ANO1: variants seen among roughly 807,000 people sequenced by gnomAD.
The protein encoded by ANO1 is anoctamin-1.
A neutral mutation model predicts 124.0 loss-of-function variants in ANO1; 59 were observed. That is an observed-to-expected ratio of 0.48 (90% CI 0.39 to 0.59). The LOEUF (loss-of-function observed/expected upper bound fraction) is 0.59. Among genes scored for constraint, ANO1 ranks in the 20% least tolerant of loss-of-function variants. ANO1 has a pLI of 0.00. For missense variants in ANO1, 1,059 were observed against 1,328.0 expected (o/e 0.80, Z 3.15); for synonymous variants, 529 against 532.0 (o/e 0.99, Z 0.08).
chr11:70,119,110 T>C (rs2046132652), intron 8 of ANO1, among the ~76,000 whole-genome samples: 1 of 137,194 alleles, frequency 7.3e-6, no homozygotes, highest in Non-Finnish European at 1.5e-5. Context: ...TAATCAATGA[T>C]GGATGGATGA....
At chr11:70,095,426 GAAA>G in intron 2 of ANO1, among the ~76,000 whole-genome samples, 1 of 47,462 alleles carries the variant, frequency 2.1e-5, no homozygotes, top group Non-Finnish European at 5.1e-5. Flanking sequence ...AAGAAAGAAA[GAAA>G]AGAAAAGAAA....
the ANO1 span, among the ~76,000 whole-genome samples, chr11:69,980,482 G>A: frequency 1.3e-5 from 2 of 151,902 alleles, no homozygotes; most frequent in Non-Finnish European, 2.9e-5. Context: ...TTAGCCGGGC[G>A]TGGTGGTGGG....
chr11:69,980,889 T>C, the ANO1 span, among the ~76,000 whole-genome samples: 13 of 151,642 alleles, frequency 8.6e-5, no homozygotes, highest in Non-Finnish European at 1.8e-4. Context: ...CCGTCTCTAC[T>C]AAAAATATAA....
At chr11:70,067,203 C>T (rs1344831955) in intron 1 of ANO1, among the ~76,000 whole-genome samples, 1 of 152,140 alleles carries the variant, frequency 6.6e-6, no homozygotes, top group Non-Finnish European at 1.5e-5. Flanking sequence ...CCCTCTACCC[C>T]GTGGGGCTTA....
In ANO1 at chr11:70,143,550, C is replaced by T. The variant is rs147793058; in HGVS notation, c.1259-6160C>T. On this transcript the variant is annotated intron_variant, in intron 11 of 25. Transcript: ENST00000355303. ...CTTCCAGATGCCTGCTGGCAGCCTA[C>T]GGAGCTTGTTCAGAATGCAGATTCC... Among the ~76,000 whole-genome samples, 299 of 152,250 alleles carry T rather than the reference C, an allele frequency of 2.0e-3. 1 individual carries two copies. Among genetic ancestry groups the T allele is most frequent in the Non-Finnish European group, 1.3e-3 (90 of 68,018 alleles).
chr11:70,052,531 CTTTTTTTTTTTTTTT>C (rs200770702), intron 1 of ANO1, among the ~76,000 whole-genome samples: 770 of 65,878 alleles, frequency 0.012, 5 homozygotes, highest in Non-Finnish European at 0.02. Flanking sequence ...TTTTTCTTTT[CTTTTTTTTTTTTTTT>C]TTTTTTTTTT....
intron 1 of ANO1, among the ~76,000 whole-genome samples, chr11:70,009,362 G>A (rs1442473489): frequency 6.6e-6 from 1 of 152,170 alleles, no homozygotes; most frequent in Non-Finnish European, 1.5e-5. Flanking sequence ...GAGGAGGCAG[G>A]TGAACAGTGC....
intron 2 of ANO1, among the ~76,000 whole-genome samples, chr11:70,095,415 AAAG>A (rs753671608): frequency 0.18 from 6,368 of 35,926 alleles, 919 homozygotes; most frequent in Middle Eastern, 0.29. Context: ...AGAAAGAAAG[AAAG>A]AAAGAAAGAA....
At chr11:70,000,697 G>A (rs1415998969) in intron 1 of ANO1, among the ~76,000 whole-genome samples, 8 of 151,682 alleles carry the variant, frequency 5.3e-5, no homozygotes, top group Admixed American at 3.3e-4. Context: ...AAAGCCATGA[G>A]TGAAAGTGTC....
intron 6 of ANO1, among the ~76,000 whole-genome samples, chr11:70,109,441 C>G (rs1242340937): frequency 6.6e-6 from 1 of 152,184 alleles, no homozygotes; most frequent in African/African-American, 2.4e-5. Context: ...CCTGAAGTCT[C>G]TAAGTCCATG....
chr11:70,058,408 C>T (rs1394591902), intron 1 of ANO1, among the ~76,000 whole-genome samples: 1 of 152,168 alleles, frequency 6.6e-6, no homozygotes, highest in African/African-American at 2.4e-5. Flanking sequence ...TAAGTCAAGG[C>T]CTTGGCGGTT....
intron 8 of ANO1, among the ~76,000 whole-genome samples, chr11:70,118,103 C>G (rs1482041904): frequency 1.3e-5 from 2 of 151,910 alleles, no homozygotes; most frequent in Non-Finnish European, 2.9e-5. Context: ...TGCCTATCCT[C>G]CCCCTAAAAA....
intron 11 of ANO1, among the ~76,000 whole-genome samples, chr11:70,137,400 A>T (rs1202926129): frequency 1.4e-4 from 18 of 127,372 alleles, no homozygotes; most frequent in African/African-American, 4.5e-4. Context: ...ATCTGGAACT[A>T]TCTCCACAAA....
chr11:70,105,083 G>A (rs575028543), intron 4 of ANO1, among the ~76,000 whole-genome samples: 9 of 152,052 alleles, frequency 5.9e-5, no homozygotes, highest in South Asian at 2.1e-4. Context: ...GACCCCCGCC[G>A]ACCTCCCTCG....
chr11:70,026,163 T>C (rs1052640826), intron 1 of ANO1, among the ~76,000 whole-genome samples: 9 of 150,622 alleles, frequency 6.0e-5, no homozygotes, highest in African/African-American at 2.2e-4. Flanking sequence ...ATGATGATGG[T>C]GATGATGGTG....
chr11:70,163,663 G>A lies in ANO1; in HGVS notation c.1950+323G>A, dbSNP rs181315463. The A allele has an allele frequency of 4.5e-4, 260 of 574,542 alleles. 1 individual carries two copies. The East Asian group carries it at 5.6e-3, about 12-fold the overall frequency. 35.6% of individuals were successfully genotyped at this position (574,542 alleles called of 1,614,324 possible). A position where few individuals can be genotyped will look rare whatever the true frequency, so the allele number is the denominator to read the frequency against. On this transcript the variant is annotated intron_variant, in intron 19 of 25. Coordinates refer to ENST00000355303, the MANE Select transcript of ANO1 (RefSeq NM_018043.7). ...TAAGATGAATTAATGAGGGACGGGT[G>A]CAGTGGCTCATGCCTGTAATCCCAG... is the stretch of plus-strand genomic sequence containing the variant.
intron 1 of ANO1, among the ~76,000 whole-genome samples, chr11:70,032,793 T>C (rs1555003953): frequency 2.6e-5 from 4 of 151,182 alleles, no homozygotes; most frequent in Admixed American, 1.3e-4. Flanking sequence ...AGGTTCTTTG[T>C]AAAAGAAAAA....
chr11:70,116,592 G>T (rs1043832742), intron 8 of ANO1, 93 bp downstream of exon 8: 2 of 1,235,018 alleles, frequency 1.6e-6, no homozygotes, highest in Admixed American at 2.0e-5. Context: ...AGGACTTACC[G>T]GCCTCCAGGG....
At chr11:70,043,022 A>T (rs1245579674) in intron 1 of ANO1, among the ~76,000 whole-genome samples, 1 of 152,256 alleles carries the variant, frequency 6.6e-6, no homozygotes, top group Non-Finnish European at 1.5e-5. Flanking sequence ...AGAAAAAATA[A>T]TCAATAGAAA....
Sources: gnomAD v4.1 joint callset for allele counts (sites outside exome capture counted in the v4.1 genomes callset) on GRCh38, gnomAD v4.1.1 for gene constraint, MANE v1.5 for transcripts, NCBI Gene and HGNC (gene_info 2026-07-23, HGNC 2026-07-21) for gene names.